The following ZSCAN23 variants were observed in gnomAD, a reference collection of about 807,000 sequenced individuals.
ZSCAN23 encodes the protein zinc finger and SCAN domain-containing protein 23.
A neutral mutation model predicts 19.3 loss-of-function variants in ZSCAN23; 19 were observed. The observed-to-expected ratio is 0.99, with a 90% confidence interval of 0.69 to 1.45. The LOEUF (loss-of-function observed/expected upper bound fraction) is 1.45, where lower values mean the gene tolerates loss of function less well. Among genes scored for constraint, ZSCAN23 ranks in the 40% most tolerant of loss-of-function variants. The probability of loss-of-function intolerance (pLI) is 0.00; values close to 1 mark genes in which losing one functional copy is unlikely to be tolerated. For missense variants in ZSCAN23, 372 were observed against 462.5 expected (o/e 0.80, Z 1.79); for synonymous variants, 140 against 166.2 (o/e 0.84, Z 1.21).
In ZSCAN23 at chr6:28,433,021, A is replaced by T. The variant is rs1761791411; in HGVS notation, c.*1444T>A. 6.6e-6 allele frequency: 1 copy of T among 152,140 alleles called. No homozygotes were observed. The highest frequency in any genetic ancestry group is 1.5e-5 in the Non-Finnish European group (1 of 67,992). The allele number at this position is 152,140 out of a possible 1,614,324, so 9.4% of individuals were successfully genotyped here. On this transcript the variant is annotated 3_prime_UTR_variant, in exon 4 of 4. Coordinates refer to ENST00000289788, the MANE Select transcript of ZSCAN23 (RefSeq NM_001012455.2). ...TGAATTATCTTTTTAAAAAAGTCCTACTGAGTAAATTAAATTTTAAAAGCT... is the reference window on the plus strand; with the variant it reads ...TGAATTATCTTTTTAAAAAAGTCCTTCTGAGTAAATTAAATTTTAAAAGCT...
rs771991989 is a variant in ZSCAN23 at position 28,434,634 on chromosome 6, T to G, written c.1001A>C (p.Gln334Pro). 1.3e-6 allele frequency: 2 copies of G among 1,561,434 alleles called. No homozygotes were observed. Among genetic ancestry groups the G allele is most frequent in the South Asian group, 2.4e-5 (2 of 85,068 alleles). Reference protein sequence around the residue: ...LRIHTGEKPYQCNQCNKSFSR... With the variant: ...LRIHTGEKPYPCNQCNKSFSR... Reference sequence around the variant, plus strand: ...AAAACTCTTATTGCACTGATTGCACTGGTAAGGCTTCTCCCCAGTGTGAAT... The same window carrying G: ...AAAACTCTTATTGCACTGATTGCACGGGTAAGGCTTCTCCCCAGTGTGAAT... Residue 334 changes from glutamine to proline, a missense_variant, in exon 4 of 4, where the codon CAG becomes CCG. Physicochemically the swap from Gln to Pro is moderately conservative, Grantham distance 76. Coordinates refer to ENST00000289788, the MANE Select transcript of ZSCAN23 (RefSeq NM_001012455.2).
chr6:28,436,476 A>G, intron 1 of ZSCAN23, 133 bp from the exon 2 acceptor site: 1 of 462,678 alleles, frequency 2.2e-6, no homozygotes, highest in East Asian at 3.3e-5. Flanking sequence ...AATGATAGAT[A>G]CTTTAGAAAT....
At chr6:28,431,768 T>TTTTA (rs1761764998), downstream of ZSCAN23, among the ~76,000 whole-genome samples, 1 of 152,184 alleles carries the variant, frequency 6.6e-6, no homozygotes, top group Non-Finnish European at 1.5e-5. Flanking sequence ...CTTAAGACAA[T>TTTTA]AGTATCTAAA....
rs1189770578 is a variant in ZSCAN23 at position 28,434,769 on chromosome 6, C to A, written c.866G>T (p.Arg289Met). Residue 289 changes from arginine to methionine, a missense_variant, in exon 4 of 4, where the codon AGG becomes ATG. Transcript: ENST00000289788. ...TCTCTGGTGCTGGAATAGGCCTGACCTCTGGCTGAAGGCCCGCCCACACTC... is the reference window on the plus strand; with the variant it reads ...TCTCTGGTGCTGGAATAGGCCTGACATCTGGCTGAAGGCCCGCCCACACTC... ...CDECGRAFSQ[R>M]SGLFQHQRLH... is the part of the protein sequence containing the mutation. 1.9e-6 allele frequency: 3 copies of A among 1,602,724 alleles called. No individual in the cohort carries two copies. The highest frequency in any genetic ancestry group is 1.7e-5 in the Admixed American group (1 of 57,976).
chr6:28,439,576 C>T (rs548383647), intron 1 of ZSCAN23, among the ~76,000 whole-genome samples: 10 of 152,284 alleles, frequency 6.6e-5, no homozygotes, highest in East Asian at 1.9e-4. Context: ...GCAATTATAA[C>T]GAAGTCCCTA....
At chr6:28,437,465 C>A (rs1030010506) in intron 1 of ZSCAN23, among the ~76,000 whole-genome samples, 9 of 152,242 alleles carry the variant, frequency 5.9e-5, no homozygotes, top group African/African-American at 2.2e-4. Context: ...CGCCTGTTAT[C>A]CCAGCTACTC....
chr6:28,426,393 G>A, the ZSCAN23 span, among the ~76,000 whole-genome samples: 1 of 152,158 alleles, frequency 6.6e-6, no homozygotes, highest in Admixed American at 6.5e-5. Flanking sequence ...TGTGTCTCAG[G>A]GAATAGGGAG....
chr6:28,424,465 G>A, the ZSCAN23 span, among the ~76,000 whole-genome samples: 35 of 152,236 alleles, frequency 2.3e-4, no homozygotes, highest in African/African-American at 7.9e-4. Context: ...TTCCTTTCAT[G>A]AACTATTTCT....
At chr6:28,428,764 T>G (rs930168287), downstream of ZSCAN23, among the ~76,000 whole-genome samples, 1 of 152,218 alleles carries the variant, frequency 6.6e-6, no homozygotes, top group Non-Finnish European at 1.5e-5. Flanking sequence ...GCCCAACTAC[T>G]GTGCATTGCC....
chr6:28,427,886 C>G (rs1441351638), downstream of ZSCAN23, among the ~76,000 whole-genome samples: 1 of 152,066 alleles, frequency 6.6e-6, no homozygotes, highest in Non-Finnish European at 1.5e-5. Context: ...TCGACACCAG[C>G]TTGACCAACA....
At chr6:28,442,539 T>C (rs1486755868) in intron 1 of ZSCAN23, among the ~76,000 whole-genome samples, 1 of 152,202 alleles carries the variant, frequency 6.6e-6, no homozygotes, top group Non-Finnish European at 1.5e-5. Context: ...GATATACGTC[T>C]TCAGATATAT....
chr6:28,436,490 A>G (rs2114035722), intron 1 of ZSCAN23, 147 bp from the exon 2 acceptor site: 1 of 444,220 alleles, frequency 2.3e-6, no homozygotes, highest in Non-Finnish European at 3.9e-6. Context: ...TAGAAATACA[A>G]ATCCAGATAA....
rs1207133117 is a variant in ZSCAN23, at chr6:28,433,942, T to C, written c.*523A>G. 1.3e-5 allele frequency: 2 copies of C among 152,210 alleles called. No homozygotes were observed. Among genetic ancestry groups the C allele is most frequent in the Non-Finnish European group, 2.9e-5 (2 of 68,062 alleles). 9.4% of individuals were successfully genotyped at this position (152,210 alleles called of 1,614,324 possible). ...TCCTAAAGGCTAACTAAAAAATCTATAGAAATCTAACTTACTATAAATCTA... is the reference window on the plus strand; with the variant it reads ...TCCTAAAGGCTAACTAAAAAATCTACAGAAATCTAACTTACTATAAATCTA... On this transcript the variant is annotated 3_prime_UTR_variant, in exon 4 of 4. Transcript: ENST00000289788.
chr6:28,430,004 T>A (rs1009657676), downstream of ZSCAN23, among the ~76,000 whole-genome samples: 2 of 127,408 alleles, frequency 1.6e-5, no homozygotes, highest in Non-Finnish European at 3.4e-5. Flanking sequence ...GCACACCACC[T>A]GGCTCACCTT....
chr6:28,430,182 C>T (rs1297043393), downstream of ZSCAN23, among the ~76,000 whole-genome samples: 1 of 135,410 alleles, frequency 7.4e-6, no homozygotes, highest in Non-Finnish European at 1.6e-5. Context: ...CCGGGTCCTC[C>T]AGGGTCTCAG....
In ZSCAN23 at chr6:28,435,069, G is replaced by T; in HGVS notation, c.566C>A (p.Ala189Asp). 1 of 1,529,786 alleles carries T rather than the reference G, an allele frequency of 6.5e-7. No individual in the cohort carries two copies. 94.8% of individuals were successfully genotyped at this position (1,529,786 alleles called of 1,614,324 possible). A position where few individuals can be genotyped will look rare whatever the true frequency, so the allele number is the denominator to read the frequency against. ...VCPVQEIDGK[A>D]GTWNVELAPK... Reference sequence around the variant, plus strand: ...GGCTAACTCCACATTCCAAGTCCCAGCCTTGCCATCTAAAATAACGATAAC... The same window carrying T: ...GGCTAACTCCACATTCCAAGTCCCATCCTTGCCATCTAAAATAACGATAAC... Residue 189 changes from alanine to aspartate, a missense_variant, in exon 4 of 4, where the codon GCT becomes GAT. Transcript: ENST00000289788.
downstream of ZSCAN23, among the ~76,000 whole-genome samples, chr6:28,429,906 C>G (rs1761725410): frequency 1.3e-5 from 2 of 152,200 alleles, no homozygotes; most frequent in South Asian, 4.1e-4. Flanking sequence ...CTGAACACCT[C>G]TCTAGGAGAA....
the ZSCAN23 span, among the ~76,000 whole-genome samples, chr6:28,426,554 T>C: frequency 6.8e-6 from 1 of 147,240 alleles, no homozygotes; most frequent in Non-Finnish European, 1.5e-5. Context: ...TGATCACAGA[T>C]CACCATAATA....
downstream of ZSCAN23, among the ~76,000 whole-genome samples, chr6:28,430,016 G>T (rs530985135): frequency 3.9e-5 from 5 of 126,972 alleles, no homozygotes; most frequent in Admixed American, 4.0e-4. Flanking sequence ...GCTCACCTTT[G>T]TGAGCGCAGA....
Sources: allele counts gnomAD v4.1 joint callset (sites outside exome capture counted in the v4.1 genomes callset), GRCh38; gene constraint gnomAD v4.1.1; transcripts MANE v1.5; gene names NCBI Gene and HGNC (gene_info 2026-07-23, HGNC 2026-07-21).